Variants in RFX3 observed in about 807,000 individuals in gnomAD.
RFX3 encodes the protein transcription factor RFX3.
A neutral mutation model predicts 98.6 loss-of-function variants in RFX3; 14 were observed. The observed-to-expected ratio is 0.14, with a 90% CI of 0.09 to 0.22. The LOEUF (loss-of-function observed/expected upper bound fraction) is 0.22. Ranked by LOEUF, RFX3 falls within the 10% of genes least tolerant of loss-of-function variation. The pLI is 1.00. For synonymous variants in RFX3, 383 were observed against 328.4 expected (o/e 1.17, Z -1.80); for missense variants, 639 against 926.9 (o/e 0.69, Z 4.03).
chr9:3,523,419 G>A (rs766938696), intron 1 of RFX3, among the ~76,000 whole-genome samples: 7 of 152,062 alleles, frequency 4.6e-5, no homozygotes, highest in Non-Finnish European at 1.0e-4. Flanking sequence ...TTCCACAGCA[G>A]CTCTAATAGC....
In RFX3 at chr9:3,270,726, T is replaced by C. The variant is rs1824313275; in HGVS notation, c.1203-201A>G. 4 of 669,284 alleles carry C rather than the reference T, an allele frequency of 6.0e-6. No homozygotes were observed. In the East Asian group the frequency reaches 8.2e-5, roughly 14 times the overall value. The allele number at this position is 669,284 out of a possible 1,614,324, so 41.5% of individuals were successfully genotyped here. On this transcript the variant is annotated intron_variant, in intron 10 of 16. Transcript: ENST00000617270. ...ACTCCCCCAGAGCTGTCTATGCACA[T>C]TTGTATTTTCTGACGGTATGAAAGG...
chr9:3,464,715 A>G lies in RFX3; in HGVS notation c.-9+61032T>C, dbSNP rs185395596. ...TGGAACACAATTGTATACATCTGCC[A>G]AAACTCATCAAATTGTACACTTAAA... On this transcript the variant is annotated intron_variant, in intron 1 of 16. Transcript: ENST00000617270. 1.4e-3 allele frequency among the ~76,000 whole-genome samples: 206 copies of G among 152,334 alleles called. 1 individual carries two copies. Among genetic ancestry groups the G allele is most frequent in the African/African-American group, 4.6e-3 (190 of 41,574 alleles).
At chr9:3,387,334 A>G (rs566992959) in intron 2 of RFX3, among the ~76,000 whole-genome samples, 8 of 152,194 alleles carry the variant, frequency 5.3e-5, no homozygotes, top group Non-Finnish European at 1.0e-4. Flanking sequence ...AGAACATGGT[A>G]TCTAGAACTG....
intron 1 of RFX3, among the ~76,000 whole-genome samples, chr9:3,520,068 C>T (rs1287963231): frequency 6.6e-6 from 1 of 152,150 alleles, no homozygotes; most frequent in African/African-American, 2.4e-5. Context: ...TATGACTATG[C>T]CACTGCACTC....
intron 4 of RFX3, among the ~76,000 whole-genome samples, chr9:3,307,631 T>A (rs1251975903): frequency 6.6e-6 from 1 of 152,200 alleles, no homozygotes; most frequent in Non-Finnish European, 1.5e-5. Context: ...CTTTATTTCA[T>A]CACTATGTGA....
chr9:3,289,468 C>G (rs1429568831), intron 6 of RFX3, among the ~76,000 whole-genome samples: 1 of 151,964 alleles, frequency 6.6e-6, no homozygotes, highest in Non-Finnish European at 1.5e-5. Flanking sequence ...GTGCAATAAG[C>G]AAAACCAAAA....
At chr9:3,366,200 A>C (rs1033828688) in intron 2 of RFX3, among the ~76,000 whole-genome samples, 3 of 152,122 alleles carry the variant, frequency 2.0e-5, no homozygotes, top group Admixed American at 1.3e-4. Flanking sequence ...ACCCAACACA[A>C]ATACAAGGGA....
intron 1 of RFX3, among the ~76,000 whole-genome samples, chr9:3,479,082 C>G (rs946795057): frequency 6.6e-6 from 1 of 152,152 alleles, no homozygotes; most frequent in Non-Finnish European, 1.5e-5. Context: ...GCAATACTGC[C>G]AGCTTTTAGC....
chr9:3,347,890 T>G (rs1024577608), intron 2 of RFX3, among the ~76,000 whole-genome samples: 1 of 152,208 alleles, frequency 6.6e-6, no homozygotes, highest in African/African-American at 2.4e-5. Context: ...TTTGTATTTC[T>G]AAGAGATAGG....
At chr9:3,433,761 A>T (rs1342194088) in intron 1 of RFX3, among the ~76,000 whole-genome samples, 2 of 152,202 alleles carry the variant, frequency 1.3e-5, no homozygotes, top group African/African-American at 2.4e-5. Flanking sequence ...CTACTTGTTT[A>T]CGGACTAGAA....
intron 2 of RFX3, among the ~76,000 whole-genome samples, chr9:3,386,053 G>C (rs1420707643): frequency 1.3e-5 from 2 of 152,170 alleles, no homozygotes; most frequent in African/African-American, 4.8e-5. Flanking sequence ...GAGGAAGTTG[G>C]TGTTGGTTCT....
chr9:3,326,110 G>A (rs1361355284), intron 4 of RFX3, among the ~76,000 whole-genome samples: 1 of 151,888 alleles, frequency 6.6e-6, no homozygotes, highest in East Asian at 1.9e-4. Flanking sequence ...TTATCCGCAG[G>A]AAATGCCTTT....
intron 1 of RFX3, among the ~76,000 whole-genome samples, chr9:3,443,534 C>T (rs1401632596): frequency 1.3e-5 from 2 of 152,154 alleles, no homozygotes; most frequent in Admixed American, 6.6e-5. Flanking sequence ...AGGACATGAT[C>T]TCATTCCTTT....
At chr9:3,397,131 G>C (rs370014230) in intron 1 of RFX3, among the ~76,000 whole-genome samples, 54 of 152,254 alleles carry the variant, frequency 3.5e-4, no homozygotes, top group African/African-American at 1.3e-3. Context: ...AATTAAACAT[G>C]CCACGTTTCT....
intron 1 of RFX3, among the ~76,000 whole-genome samples, chr9:3,410,981 A>G (rs1842418688): frequency 6.6e-6 from 1 of 152,194 alleles, no homozygotes; most frequent in Admixed American, 6.5e-5. Context: ...AACTGACTCA[A>G]AAATGGTATT....
At chr9:3,305,110 G>A (rs1180048094) in intron 4 of RFX3, among the ~76,000 whole-genome samples, 2 of 151,962 alleles carry the variant, frequency 1.3e-5, no homozygotes, top group African/African-American at 2.4e-5. Context: ...AGGAAGAATC[G>A]ACTTAATAGA....
intron 16 of RFX3, among the ~76,000 whole-genome samples, chr9:3,226,380 G>C (rs945307467): frequency 6.6e-6 from 1 of 152,164 alleles, no homozygotes; most frequent in African/African-American, 2.4e-5. Flanking sequence ...ATTTCATTAT[G>C]ACTAGGGCAA....
intron 1 of RFX3, among the ~76,000 whole-genome samples, chr9:3,416,502 G>T (rs1406868194): frequency 1.3e-5 from 2 of 148,360 alleles, no homozygotes; most frequent in Non-Finnish European, 3.0e-5. Flanking sequence ...TTATTAGGGG[G>T]AAAAAAAGCC....
At chr9:3,261,604 T>C (rs955867294) in intron 13 of RFX3, among the ~76,000 whole-genome samples, 5 of 152,170 alleles carry the variant, frequency 3.3e-5, no homozygotes, top group African/African-American at 9.6e-5. Flanking sequence ...AGTGCTGTTA[T>C]GAACCTCTAT....
Sources: gnomAD v4.1 joint callset for allele counts (sites outside exome capture counted in the v4.1 genomes callset) on GRCh38, gnomAD v4.1.1 for gene constraint, MANE v1.5 for transcripts, NCBI Gene and HGNC (gene_info 2026-07-23, HGNC 2026-07-21) for gene names.